NPRL3: variants seen among roughly 807,000 people sequenced by gnomAD.
The protein encoded by NPRL3 is GATOR1 complex protein NPRL3.
Under a neutral mutation model 57.2 loss-of-function variants are expected in NPRL3, and 23 were observed. That is an observed-to-expected ratio of 0.40 (90% CI 0.29 to 0.57). NPRL3 has a LOEUF of 0.57. NPRL3 is among the 20% of genes least tolerant of loss of function. The probability of loss-of-function intolerance (pLI) is 0.42; values close to 1 mark genes in which losing one functional copy is unlikely to be tolerated. For missense variants in NPRL3, 691 were observed against 767.1 expected, an observed-to-expected ratio of 0.90 and a Z score of 1.17; for synonymous variants, 333 against 321.1, an observed-to-expected ratio of 1.04 and a Z score of -0.39.
At chr16:107,252 C>G (rs1419757665) in intron 7 of NPRL3, among the ~76,000 whole-genome samples, 1 of 152,200 alleles carries the variant, frequency 6.6e-6, no homozygotes, top group Non-Finnish European at 1.5e-5. Context: ...TCCTCCGCAG[C>G]CTGCAGATCA....
intron 7 of NPRL3, among the ~76,000 whole-genome samples, chr16:102,123 G>A (rs1006484474): frequency 2.0e-5 from 3 of 152,184 alleles, no homozygotes; most frequent in African/African-American, 7.2e-5. Context: ...TCCACAGTGG[G>A]GATGCAGCCC....
At position 92,721 on chromosome 16, in the gene NPRL3, A is replaced by C. The variant is rs1218740557; in HGVS notation, c.1036T>G (p.Ser346Ala). 6.2e-7 allele frequency: 1 copy of C among 1,613,462 alleles called. No individual in the cohort carries two copies. The change falls in exon 11 of 14, where the codon TCC (serine) becomes GCC (alanine). Residue 346 changes from serine (S) to alanine (A), a missense_variant. Transcript: ENST00000611875. The stretch of plus-strand genomic sequence containing the variant: ...TGGGAGAACTGCTCGGCCAGCGGGG[A>C]GTACCTGCAGGCAGGTGAGCATGCC... Reference protein sequence around the residue: ...LSPNASVCLYSPLAEQFSHQF... With the variant: ...LSPNASVCLYAPLAEQFSHQF...
At chr16:118,203 G>A (rs1273108146) in intron 4 of NPRL3, among the ~76,000 whole-genome samples, 1 of 152,184 alleles carries the variant, frequency 6.6e-6, no homozygotes, top group Non-Finnish European at 1.5e-5. Flanking sequence ...CTGTATAAAT[G>A]TAGCTAAATC....
rs940715864 is a variant in NPRL3, at chr16:100,358, G to C, written c.767+14C>G. ...GCCCTGGCAGGGAGTGAGCACGTGG[G>C]GCTGGGCACTTACCGGATGGCTTTC... On this transcript the variant is annotated intron_variant, in intron 8 of 13. Transcript: ENST00000611875. The C allele has an allele frequency of 6.6e-7, 1 of 1,509,802 alleles. No homozygotes were observed. Among genetic ancestry groups the C allele is most frequent in the Non-Finnish European group, 8.9e-7 (1 of 1,125,996 alleles). The allele number at this position is 1,509,802 out of a possible 1,614,324, so 93.5% of individuals were successfully genotyped here.
intron 5 of NPRL3, among the ~76,000 whole-genome samples, chr16:113,645 A>G (rs527582737): frequency 2.6e-5 from 4 of 152,330 alleles, no homozygotes; most frequent in African/African-American, 9.6e-5. Context: ...CTGGAGGCCA[A>G]CAGGACTGCT....
At position 86,464 on chromosome 16, in the gene NPRL3, G is replaced by A. The variant is rs1044906406; in HGVS notation, c.*241C>T. 6.0e-5 allele frequency: 30 copies of A among 500,070 alleles called. No homozygotes were observed. Among genetic ancestry groups the A allele is most frequent in the East Asian group, 2.2e-4 (7 of 31,660 alleles). The allele number at this position is 500,070 out of a possible 1,614,324, so 31.0% of individuals were successfully genotyped here. A position where few individuals can be genotyped will look rare whatever the true frequency, so the allele number is the denominator to read the frequency against. Reference sequence around the variant, plus strand: ...CCCCCTCCAGCGTGGAGATGCCTACGCGTGCGGCAAGGACTGGAGGGAAGC... The same window carrying A: ...CCCCCTCCAGCGTGGAGATGCCTACACGTGCGGCAAGGACTGGAGGGAAGC... On this transcript the variant is annotated 3_prime_UTR_variant, in exon 14 of 14. Transcript: ENST00000611875.
intron 3 of NPRL3, among the ~76,000 whole-genome samples, chr16:126,586 C>T (rs532395109): frequency 1.3e-5 from 2 of 152,234 alleles, no homozygotes; most frequent in South Asian, 2.1e-4. Flanking sequence ...AGCAGGAAGA[C>T]GGTGTCCACA....
Position 117,338 on chromosome 16 carries a change from G to A in NPRL3, c.356C>T (p.Pro119Leu). 4 of 1,612,326 alleles carry A rather than the reference G, an allele frequency of 2.5e-6. No homozygotes were observed. Among genetic ancestry groups the A allele is most frequent in the Non-Finnish European group, 3.4e-6 (4 of 1,178,726 alleles). ...CACCACATTAAAAAGAATCATAGTA[G>A]GTGCTTCCCTCTTCGGGGAAGGATC... ...KTDPSPKREAPTMILFNVVFA... is the reference protein window; with the variant it reads ...KTDPSPKREALTMILFNVVFA... The change falls in exon 5 of 14, where the codon CCT (proline) becomes CTT (leucine). Residue 119 changes from proline (P) to leucine (L), a missense_variant. Physicochemically the swap from Pro to Leu is moderately conservative, Grantham distance 98 (BLOSUM62 -3). Transcript: ENST00000611875.
intron 3 of NPRL3, among the ~76,000 whole-genome samples, chr16:127,986 ATCT>A (rs202041049): frequency 5.6e-5 from 6 of 107,194 alleles, no homozygotes; most frequent in Non-Finnish European, 7.7e-5. Flanking sequence ...GTTAATTTCC[ATCT>A]TCTTCTTTTT....
At chr16:136,631 G>A (rs1403580073) in intron 2 of NPRL3, among the ~76,000 whole-genome samples, 9 of 151,320 alleles carry the variant, frequency 5.9e-5, no homozygotes, top group South Asian at 2.1e-4. Flanking sequence ...CGGAGGTTGC[G>A]GTGAGCCGAG....
Position 131,763 on chromosome 16 carries a change from T to C in NPRL3, c.119-1172A>G, listed in dbSNP as rs186514778. Among the ~76,000 whole-genome samples, 13 of 152,160 alleles carry C rather than the reference T, an allele frequency of 8.5e-5. No homozygotes were observed. The South Asian group carries it at 1.7e-3, about 19-fold the overall frequency. The stretch of plus-strand genomic sequence containing the variant: ...GCAATTTCTTAAAATAAGACAACAA[T>C]GACCTCTGCTACATCTATCAATTTA... On this transcript the variant is annotated intron_variant, in intron 2 of 13. Transcript: ENST00000611875.
chr16:86,606 G>A lies in NPRL3; in HGVS notation c.*99C>T. ...GCATCCACCCAATGCCAGGCCTCAG[G>A]GCCAAGAGGGCTCAGCCTCAGCACG... is the stretch of plus-strand genomic sequence containing the variant. On this transcript the variant is annotated 3_prime_UTR_variant, in exon 14 of 14. Coordinates refer to ENST00000611875, the MANE Select transcript of NPRL3 (RefSeq NM_001077350.3). 1 of 1,280,772 alleles carries A rather than the reference G, an allele frequency of 7.8e-7. No homozygotes were observed. Among genetic ancestry groups the A allele is most frequent in the Admixed American group, 2.3e-5 (1 of 42,650 alleles). The allele number at this position is 1,280,772 out of a possible 1,614,324, so 79.3% of individuals were successfully genotyped here. A position where few individuals can be genotyped will look rare whatever the true frequency, so the allele number is the denominator to read the frequency against.
At chr16:135,015 A>G (rs994539460) in intron 2 of NPRL3, among the ~76,000 whole-genome samples, 12 of 152,208 alleles carry the variant, frequency 7.9e-5, no homozygotes, top group Admixed American at 5.9e-4. Flanking sequence ...CACAGTAATT[A>G]TTATGGAACC....
chr16:86,442 C>A lies in NPRL3; in HGVS notation c.*263G>T, dbSNP rs1398695087. 2.2e-6 allele frequency: 1 copy of A among 461,612 alleles called. No individual in the cohort carries two copies. The highest frequency in any genetic ancestry group is 3.2e-5 in the South Asian group (1 of 31,264). 28.6% of individuals were successfully genotyped at this position (461,612 alleles called of 1,614,324 possible). ...AGAGACAGGAGTCCTGGCAGGCCCC[C>A]CTCCAGCGTGGAGATGCCTACGCGT... On this transcript the variant is annotated 3_prime_UTR_variant, in exon 14 of 14. Transcript: ENST00000611875.
chr16:128,490 C>T (rs778495122), intron 3 of NPRL3, among the ~76,000 whole-genome samples: 58 of 152,172 alleles, frequency 3.8e-4, no homozygotes, highest in Admixed American at 1.4e-3. Flanking sequence ...AGACACGGGC[C>T]GGGCGCGGTG....
chr16:100,657 T>G, intron 7 of NPRL3, 148 bp from the exon 8 acceptor site: 1 of 758,126 alleles, frequency 1.3e-6, no homozygotes, highest in Non-Finnish European at 1.9e-6. Context: ...TCTCTTAAGA[T>G]CACATTATGT....
At chr16:103,322 T>G (rs1899388886) in intron 7 of NPRL3, among the ~76,000 whole-genome samples, 1 of 126,774 alleles carries the variant, frequency 7.9e-6, no homozygotes, top group African/African-American at 3.1e-5. Flanking sequence ...TTTTTTTTTT[T>G]TTTGTAGAGA....
In NPRL3 at chr16:88,387, CA is replaced by C. The variant is rs56670370; in HGVS notation, c.1544+310del. 8.8e-3 allele frequency among the ~76,000 whole-genome samples: 1,150 copies of C among 130,808 alleles called. 10 individuals are homozygous for C. Among genetic ancestry groups the C allele is most frequent in the African/African-American group, 0.033 (1,036 of 31,258 alleles). 85.8% of individuals were successfully genotyped at this position (130,808 alleles called of 152,430 possible). A position where few individuals can be genotyped will look rare whatever the true frequency, so the allele number is the denominator to read the frequency against. On this transcript the variant is annotated intron_variant, in intron 13 of 13. Transcript: ENST00000611875. Reference sequence around the variant, plus strand: ...TGGGTGACAGAGCGAGACTCCGTCTCAAAAAAAAAAAAAAAAAAAAAGAACT... The same window carrying C: ...TGGGTGACAGAGCGAGACTCCGTCTCAAAAAAAAAAAAAAAAAAAAGAACT...
Position 92,716 on chromosome 16 carries a change from C to T in NPRL3, c.1041G>A (p.Pro347=), listed in dbSNP as rs1128426. The T allele has an allele frequency of 0.03, 48,494 of 1,613,346 alleles. 876 individuals are homozygous for T. The highest frequency in any genetic ancestry group is 0.037 in the Non-Finnish European group (43,962 of 1,179,590). Residue 347 remains proline, a synonymous_variant, in exon 11 of 14, where the codon CCG becomes CCA. Transcript: ENST00000611875. The part of the protein sequence containing the change: ...SPNASVCLYS[P]LAEQFSHQFP... ...ACTGGTGGGAGAACTGCTCGGCCAG[C>T]GGGGAGTACCTGCAGGCAGGTGAGC...
Sources: gnomAD v4.1 joint callset for allele counts (sites outside exome capture counted in the v4.1 genomes callset) on GRCh38, gnomAD v4.1.1 for gene constraint, MANE v1.5 for transcripts, NCBI Gene and HGNC (gene_info 2026-07-23, HGNC 2026-07-21) for gene names.